Variants in CCDC88B observed in about 807,000 individuals in gnomAD.
The protein encoded by CCDC88B is coiled-coil domain-containing protein 88B.
A neutral mutation model predicts 183.7 loss-of-function variants in CCDC88B; 138 were observed. The ratio of observed to expected loss-of-function variants is 0.75; its 90% CI spans 0.65 to 0.87. The LOEUF (loss-of-function observed/expected upper bound fraction) is 0.87. Among genes scored for constraint, CCDC88B ranks in the 40% least tolerant of loss-of-function variants. CCDC88B has a pLI of 0.00. For missense variants in CCDC88B, 1,822 were observed against 1,965.6 expected (o/e 0.93, Z 1.38); for synonymous variants, 835 against 867.5 (o/e 0.96, Z 0.66).
rs754152792 is a variant in CCDC88B at position 64,342,563 on chromosome 11, C to A, written c.945C>A (p.Tyr315Ter). 1.3e-6 allele frequency: 2 copies of A among 1,531,742 alleles called. No homozygotes were observed. The highest frequency in any genetic ancestry group is 1.7e-6 in the Non-Finnish European group (2 of 1,145,416). 94.9% of individuals were successfully genotyped at this position (1,531,742 alleles called of 1,614,324 possible). The change falls in exon 10 of 27, where the codon TAC becomes TAA. Residue 315 changes from tyrosine (Y) to a stop codon, truncating the protein, a stop_gained. Transcript: ENST00000356786. LOFTEE classifies it high-confidence loss of function. ...LSGQAKRAEL[Y>*]REEAEALRER... ...GACAGGCCAAGCGGGCCGAGCTGTA[C>A]CGCGAGGAGGCAGAGGCGCTGCGGG...
chr11:64,341,831 GC>G, intron 7 of CCDC88B, 89 bp downstream of exon 7: 1 of 1,444,652 alleles, frequency 6.9e-7, no homozygotes, highest in Non-Finnish European at 9.2e-7. Flanking sequence ...GAAGTTTGGG[GC>G]CCAGGCATGG....
chr11:64,348,064 A>G (rs1426910075), intron 14 of CCDC88B, among the ~76,000 whole-genome samples: 1 of 151,638 alleles, frequency 6.6e-6, no homozygotes, highest in Non-Finnish European at 1.5e-5. Context: ...AAAAAAAAAA[A>G]AAAAAAAAAA....
intron 24 of CCDC88B, among the ~76,000 whole-genome samples, chr11:64,354,817 C>G (rs558117826): frequency 9.0e-6 from 1 of 111,102 alleles, no homozygotes; most frequent in Admixed American, 8.6e-5. Flanking sequence ...GCCTCCCCCC[C>G]TCCTCTGACC....
rs2036457849 is a variant in CCDC88B, at chr11:64,354,296, C to A, written c.4099+126C>A. ...TTGGCCTTCCCTGAGGCCTGCCCCCCCTGCCCTGATGCCACCAGGGGCTCT... is the reference window on the plus strand; with the variant it reads ...TTGGCCTTCCCTGAGGCCTGCCCCCACTGCCCTGATGCCACCAGGGGCTCT... On this transcript the variant is annotated intron_variant, in intron 24 of 26. Coordinates refer to ENST00000356786, the MANE Select transcript of CCDC88B (RefSeq NM_032251.6). 7.7e-6 allele frequency: 6 copies of A among 782,012 alleles called. No homozygotes were observed. In the South Asian group the frequency reaches 2.8e-4, roughly 36 times the overall value. The allele number at this position is 782,012 out of a possible 1,614,324, so 48.4% of individuals were successfully genotyped here.
At chr11:64,350,515 C>G (rs1273692967) in intron 16 of CCDC88B, 1 of 152,074 alleles carries the variant, frequency 6.6e-6, no homozygotes, top group Non-Finnish European at 1.5e-5. Flanking sequence ...AAAAATACAA[C>G]AACAACAACA....
In CCDC88B at chr11:64,355,209, C is replaced by T; in HGVS notation, c.4115C>T (p.Ala1372Val). The T allele has an allele frequency of 6.7e-7, 1 of 1,494,560 alleles. No homozygotes were observed. The highest frequency in any genetic ancestry group is 1.4e-5 in the African/African-American group (1 of 70,626). The allele number at this position is 1,494,560 out of a possible 1,614,324, so 92.6% of individuals were successfully genotyped here. The change falls in exon 25 of 27, where the codon GCA becomes GTA. Residue 1372 changes from alanine (A) to valine (V), a missense_variant. Physicochemically the swap from Ala to Val is moderately conservative, Grantham distance 64 (BLOSUM62 0). Transcript: ENST00000356786. Reference protein sequence around the residue: ...EADGTGSPSPAPMRRAQSSLC... With the variant: ...EADGTGSPSPVPMRRAQSSLC... ...CCTCTTGCAGGGTCCCCTTCCCCGG[C>T]ACCCATGCGCCGGGCCCAGAGCTCC...
chr11:64,344,229 AG>A lies in CCDC88B; in HGVS notation c.1690del (p.Ala564GlnfsTer78). 6.2e-7 allele frequency: 1 copy of A among 1,612,878 alleles called. No individual in the cohort carries two copies. The highest frequency in any genetic ancestry group is 8.5e-7 in the Non-Finnish European group (1 of 1,179,592). On this transcript the variant is annotated frameshift_variant, in exon 14 of 27. Transcript: ENST00000356786. LOFTEE classifies it high-confidence loss of function. This position sits in a 1 kb window ranked among gnomAD's most constrained non-coding sequence, Gnocchi z 4.5. ...CCACAGGAGGCAGAGAGTCCCCTTC[AG>A]GCAGCTGCCATGGACCCCCAGGCCT... ...SDPQEAESPL[Q>X]AAAMDPQASD...
In CCDC88B at chr11:64,351,604, C is replaced by T; in HGVS notation, c.3087C>T (p.Ser1029=). The T allele has an allele frequency of 6.4e-7, 1 of 1,562,378 alleles. No individual in the cohort carries two copies. The highest frequency in any genetic ancestry group is 8.6e-7 in the Non-Finnish European group (1 of 1,162,184). ...LLQSQRAQEH[S]SRLQAEKSVL... The stretch of plus-strand genomic sequence containing the variant: ...AGAGCCAGCGGGCGCAGGAGCACAG[C>T]AGCCGCCTGCAGGTGGGTGGTGGCC... The change falls in exon 18 of 27, where the codon AGC becomes AGT. Residue 1029 remains serine, a synonymous_variant. Coordinates refer to ENST00000356786, the MANE Select transcript of CCDC88B (RefSeq NM_032251.6).
Position 64,344,901 on chromosome 11 carries a change from C to G in CCDC88B, c.2360C>G (p.Ala787Gly). The G allele has an allele frequency of 6.3e-7, 1 of 1,587,636 alleles. No homozygotes were observed. Among genetic ancestry groups the G allele is most frequent in the South Asian group, 1.1e-5 (1 of 88,548 alleles). Residue 787 changes from alanine to glycine, a missense_variant, in exon 14 of 27, where the codon GCC (alanine) becomes GGC (glycine). Physicochemically the swap from Ala to Gly is moderately conservative, Grantham distance 60. Transcript: ENST00000356786. The surrounding 1 kb of genome is among the most constrained non-coding windows in gnomAD (Gnocchi z 4.5). ...AEAHREAEAQAWEQARLREAV... is the reference protein window; with the variant it reads ...AEAHREAEAQGWEQARLREAV... ...GCCCACCGGGAGGCAGAGGCCCAGGCCTGGGAGCAAGCCCGGCTGCGGGAG... is the reference window on the plus strand; with the variant it reads ...GCCCACCGGGAGGCAGAGGCCCAGGGCTGGGAGCAAGCCCGGCTGCGGGAG...
chr11:64,344,027 C>A lies in CCDC88B; in HGVS notation c.1486C>A (p.Pro496Thr). ...CCTGCTGGAGGCACCGAGAGAGGAC[C>A]CTGTTCTTCCAGTGCTGGAGGAGGC... ...HPLLEAPREDPVLPVLEEAPQ... is the reference protein window; with the variant it reads ...HPLLEAPREDTVLPVLEEAPQ... The change falls in exon 14 of 27, where the codon CCT becomes ACT. Residue 496 changes from proline (P) to threonine (T), a missense_variant. By Grantham distance (38) the Pro-to-Thr change is conservative (BLOSUM62 -1). Transcript: ENST00000356786. This position sits in a 1 kb window ranked among gnomAD's most constrained non-coding sequence, Gnocchi z 4.5. 2 of 1,569,298 alleles carry A rather than the reference C, an allele frequency of 1.3e-6. No homozygotes were observed. The highest frequency in any genetic ancestry group is 1.7e-6 in the Non-Finnish European group (2 of 1,156,480).
chr11:64,357,011 C>T, intron 26 of CCDC88B, 28 bp from the exon 27 acceptor site: 1 of 1,544,718 alleles, frequency 6.5e-7, no homozygotes, highest in Non-Finnish European at 8.7e-7. Flanking sequence ...CTGAGGGAAG[C>T]AGATCTCAGC....
At position 64,355,176 on chromosome 11, in the gene CCDC88B, T is replaced by C. The variant is rs904804162; in HGVS notation, c.4100-18T>C. The stretch of plus-strand genomic sequence containing the variant: ...CCGTCCCCTCCTCTCACCCCCTCCC[T>C]GCATGTACCTCTTGCAGGGTCCCCT... On this transcript the variant is annotated intron_variant, in intron 24 of 26. Coordinates refer to ENST00000356786, the MANE Select transcript of CCDC88B (RefSeq NM_032251.6). The C allele has an allele frequency of 4.5e-6, 6 of 1,341,520 alleles. No individual in the cohort carries two copies. The highest frequency in any genetic ancestry group is 5.8e-6 in the Non-Finnish European group (6 of 1,038,246). The allele number at this position is 1,341,520 out of a possible 1,614,324, so 83.1% of individuals were successfully genotyped here. A position where few individuals can be genotyped will look rare whatever the true frequency, so the allele number is the denominator to read the frequency against.
At chr11:64,348,827 C>G (rs1004316959) in intron 14 of CCDC88B, 2 of 599,972 alleles carry the variant, frequency 3.3e-6, no homozygotes, top group African/African-American at 3.7e-5. Context: ...CACAGGTCAC[C>G]TAGCTGGCAG....
chr11:64,354,117 T>TG lies in CCDC88B; in HGVS notation c.4052dup (p.Glu1354GlyfsTer6). The stretch of plus-strand genomic sequence containing the variant: ...GATGGGGCTGGCAGCACCGAGAGCC[T>TG]GGGGGGCCCCCCGGAGACGGAGCTT... On this transcript the variant is annotated frameshift_variant, in exon 24 of 27. Coordinates refer to ENST00000356786, the MANE Select transcript of CCDC88B (RefSeq NM_032251.6). LOFTEE classifies it high-confidence loss of function. 1 of 1,376,162 alleles carries TG rather than the reference T, an allele frequency of 7.3e-7. No individual in the cohort carries two copies. The allele number at this position is 1,376,162 out of a possible 1,614,324, so 85.2% of individuals were successfully genotyped here.
At chr11:64,349,086 G>A (rs1269273857) in intron 14 of CCDC88B, 15 of 716,202 alleles carry the variant, frequency 2.1e-5, no homozygotes, top group Non-Finnish European at 3.1e-5. Context: ...GTCACCTACC[G>A]ACTCCCAGCC....
At chr11:64,343,386 C>T in intron 11 of CCDC88B, 61 bp downstream of exon 11, 1 of 1,539,200 alleles carries the variant, frequency 6.5e-7, no homozygotes, top group Non-Finnish European at 8.8e-7. Context: ...CCATTGATTC[C>T]CTAGTGGTCC....
intron 18 of CCDC88B, among the ~76,000 whole-genome samples, 166 bp from the exon 19 acceptor site, chr11:64,351,964 C>A (rs1451358429): frequency 6.6e-6 from 1 of 152,186 alleles, no homozygotes; most frequent in Non-Finnish European, 1.5e-5. Flanking sequence ...TCACCATCAG[C>A]CTCTGGCTGG....
intron 16 of CCDC88B, 47 bp from the exon 17 acceptor site, chr11:64,351,113 A>G (rs2036309684): frequency 7.2e-7 from 1 of 1,383,246 alleles, no homozygotes; most frequent in Non-Finnish European, 9.6e-7. Flanking sequence ...GGCATCCCCA[A>G]GGCACTGCGG....
intron 10 of CCDC88B, 89 bp downstream of exon 10, chr11:64,342,769 C>T: frequency 7.2e-7 from 1 of 1,386,400 alleles, no homozygotes; most frequent in South Asian, 1.5e-5. Context: ...GGCAGAGAGG[C>T]AGGTTCTCTG....
Sources: gnomAD v4.1 joint callset for allele counts (sites outside exome capture counted in the v4.1 genomes callset) on GRCh38, gnomAD v4.1.1 for gene constraint, Gnocchi (gnomAD v3.1) non-coding constraint, MANE v1.5 for transcripts, NCBI Gene and HGNC (gene_info 2026-07-23, HGNC 2026-07-21) for gene names.